The following TCOF1 variants were observed in gnomAD, a reference collection of about 807,000 sequenced individuals.
The protein encoded by TCOF1 is treacle ribosome biogenesis factor 1.
Under a neutral mutation model 149.0 loss-of-function variants are expected in TCOF1, and 33 were observed. That is an observed-to-expected ratio of 0.22 (90% confidence interval 0.17 to 0.30). The LOEUF (loss-of-function observed/expected upper bound fraction) is 0.30, where lower values mean the gene tolerates loss of function less well. TCOF1 is among the 10% of genes least tolerant of loss of function. The probability of loss-of-function intolerance (pLI) is 1.00; values close to 1 mark genes in which losing one functional copy is unlikely to be tolerated. For synonymous variants in TCOF1, 789 were observed against 738.8 expected, an observed-to-expected ratio of 1.07 and a Z score of -1.10; for missense variants, 1,728 against 1,840.7, an observed-to-expected ratio of 0.94 and a Z score of 1.12.
intron 1 of TCOF1, among the ~76,000 whole-genome samples, chr5:150,358,382 C>T (rs1311761353): frequency 3.3e-5 from 5 of 152,190 alleles, no homozygotes; most frequent in Admixed American, 2.0e-4. Flanking sequence ...TCATTTCTTA[C>T]TTGATTAATT....
At chr5:150,382,027 C>T (rs1381093334) in intron 17 of TCOF1, among the ~76,000 whole-genome samples, 3 of 152,190 alleles carry the variant, frequency 2.0e-5, no homozygotes, top group Non-Finnish European at 2.9e-5. Flanking sequence ...GAAACCCCAT[C>T]TCTACTAAAA....
chr5:150,387,654 A>G (rs542990195), intron 17 of TCOF1, among the ~76,000 whole-genome samples: 1 of 152,198 alleles, frequency 6.6e-6, no homozygotes, highest in Non-Finnish European at 1.5e-5. Context: ...AAGGGAGCTG[A>G]TCCTGCTGAA....
intron 17 of TCOF1, among the ~76,000 whole-genome samples, chr5:150,386,650 C>A (rs1489840759): frequency 6.6e-6 from 1 of 152,238 alleles, no homozygotes; most frequent in Non-Finnish European, 1.5e-5. Flanking sequence ...CCTCTCTTAG[C>A]CTCAGGCAGC....
Position 150,384,991 on chromosome 5 carries a change from C to T in TCOF1, c.2860-2911C>T, listed in dbSNP as rs191841544. 2.5e-3 allele frequency: 2,418 copies of T among 985,374 alleles called. 5 individuals are homozygous for T. Among genetic ancestry groups the T allele is most frequent in the Middle Eastern group, 5.7e-3 (11 of 1,914 alleles). The allele number at this position is 985,374 out of a possible 1,614,324, so 61.0% of individuals were successfully genotyped here. ...ATTCCTAGACCCCTCACTGTGCCTC[C>T]GCCCTGTTGTGCAGAGTAGACCTCA... On this transcript the variant is annotated intron_variant, in intron 17 of 26. Coordinates refer to ENST00000643257, the MANE Select transcript of TCOF1 (RefSeq NM_001371623.1).
intron 14 of TCOF1, chr5:150,378,531 A>C: frequency 3.4e-6 from 1 of 298,276 alleles, no homozygotes; most frequent in South Asian, 3.3e-5. Flanking sequence ...TATGAGCCAG[A>C]ATTTAATGAC....
intron 23 of TCOF1, 120 bp from the exon 24 acceptor site, chr5:150,396,162 C>G: frequency 8.6e-7 from 1 of 1,162,622 alleles, no homozygotes; most frequent in Non-Finnish European, 1.3e-6. Context: ...CCTTGCTCTC[C>G]CCATCTGTGC....
At chr5:150,366,452 A>T (rs572774168) in intron 3 of TCOF1, among the ~76,000 whole-genome samples, 10 of 152,300 alleles carry the variant, frequency 6.6e-5, no homozygotes, top group African/African-American at 2.4e-4. Flanking sequence ...GTAATGCTTG[A>T]TGGGGAAGGG....
intron 17 of TCOF1, chr5:150,380,064 CTG>C: frequency 4.8e-6 from 1 of 208,492 alleles, no homozygotes; most frequent in East Asian, 1.1e-4. Context: ...GAGAGTGAGA[CTG>C]TCTCAAAAAA....
intron 17 of TCOF1, chr5:150,384,114 C>G (rs1186296071): frequency 7.6e-6 from 9 of 1,183,684 alleles, no homozygotes; most frequent in Non-Finnish European, 9.4e-6. Flanking sequence ...GAACCACCTC[C>G]CCTTGAATAT....
chr5:150,385,138 T>A, intron 17 of TCOF1: 2 of 949,814 alleles, frequency 2.1e-6, no homozygotes, highest in Non-Finnish European at 2.5e-6. Context: ...CATCATGTTA[T>A]ATACCACAAA....
chr5:150,393,467 C>T lies in TCOF1; in HGVS notation c.3699C>T (p.Ser1233=). The part of the protein sequence containing the change: ...TPKLDSSPSV[S]STLAAKDDPD... ...AGCTAGACTCCAGCCCCTCAGTTTC[C>T]TCTACTCTGGCCGCCAAAGATGACC... The change falls in exon 23 of 27, where the codon TCC becomes TCT. Residue 1233 remains serine, a synonymous_variant. Transcript: ENST00000643257. The T allele has an allele frequency of 1.9e-6, 3 of 1,614,178 alleles. No homozygotes were observed. The highest frequency in any genetic ancestry group is 2.5e-6 in the Non-Finnish European group (3 of 1,180,032).
At chr5:150,368,640 G>A (rs1182486690) in intron 4 of TCOF1, 76 bp from the exon 5 acceptor site, 12 of 1,550,384 alleles carry the variant, frequency 7.7e-6, no homozygotes, top group African/African-American at 4.1e-5. Context: ...GGTAAGATTG[G>A]GTTCAGATGC....
intron 2 of TCOF1, among the ~76,000 whole-genome samples, chr5:150,361,639 A>G (rs1760115086): frequency 6.6e-6 from 1 of 152,244 alleles, no homozygotes; most frequent in Non-Finnish European, 1.5e-5. Context: ...GGTAGTAAGG[A>G]TTACAAAAGA....
At chr5:150,387,462 C>T (rs912167359) in intron 17 of TCOF1, among the ~76,000 whole-genome samples, 1 of 152,200 alleles carries the variant, frequency 6.6e-6, no homozygotes, top group African/African-American at 2.4e-5. Flanking sequence ...TTGCATATTC[C>T]AACCAGGCAG....
intron 19 of TCOF1, among the ~76,000 whole-genome samples, chr5:150,390,551 T>C (rs923721591): frequency 6.6e-6 from 1 of 151,632 alleles, no homozygotes; most frequent in African/African-American, 2.4e-5. Context: ...GGAACCCGGG[T>C]CTTCTGAGAC....
intron 17 of TCOF1, chr5:150,383,749 T>C: frequency 1.3e-6 from 2 of 1,551,910 alleles, no homozygotes; most frequent in Non-Finnish European, 1.7e-6. Context: ...ACCAGGAGTC[T>C]TCTTGAATCC....
chr5:150,368,612 C>T (rs1581068241), intron 4 of TCOF1, 104 bp from the exon 5 acceptor site: 4 of 1,397,154 alleles, frequency 2.9e-6, no homozygotes, highest in Non-Finnish European at 4.1e-6. Flanking sequence ...TTTACCCAAA[C>T]TCACACAGCT....
At chr5:150,387,772 G>A in intron 17 of TCOF1, 130 bp from the exon 18 acceptor site, 2 of 1,278,532 alleles carry the variant, frequency 1.6e-6, no homozygotes, top group South Asian at 2.6e-5. Context: ...CAGCTGGAAT[G>A]GCTTCTGTGC....
intron 1 of TCOF1, 95 bp from the exon 2 acceptor site, chr5:150,361,061 G>T: frequency 1.3e-6 from 2 of 1,535,970 alleles, no homozygotes; most frequent in East Asian, 2.3e-5. Context: ...TGAACCACCT[G>T]TCTATACAAG....
Sources: allele counts gnomAD v4.1 joint callset (sites outside exome capture counted in the v4.1 genomes callset), GRCh38; gene constraint gnomAD v4.1.1; transcripts MANE v1.5; gene names NCBI Gene and HGNC (gene_info 2026-07-23, HGNC 2026-07-21).